ZBTB20: variants seen among roughly 807,000 people sequenced by gnomAD.
The protein encoded by ZBTB20 is zinc finger and BTB domain containing 20.
In ZBTB20, 9 loss-of-function variants were observed where a neutral mutation model predicts 56.9. That is an observed-to-expected ratio of 0.16 (90% CI 0.10 to 0.28). ZBTB20 has a LOEUF of 0.28. Ranked by LOEUF, ZBTB20 falls within the 10% of genes least tolerant of loss-of-function variation. ZBTB20 has a pLI of 1.00. For missense variants in ZBTB20, 655 were observed against 1,003.0 expected (o/e 0.65, Z 4.69); for synonymous variants, 417 against 420.7 (o/e 0.99, Z 0.11).
At chr3:114,501,988 G>C (rs1346986088) in intron 6 of ZBTB20, among the ~76,000 whole-genome samples, 1 of 152,046 alleles carries the variant, frequency 6.6e-6, no homozygotes, top group Non-Finnish European at 1.5e-5. Context: ...AATTACAAGT[G>C]TGAGCCACCG....
intron 6 of ZBTB20, among the ~76,000 whole-genome samples, chr3:114,663,043 C>T (rs2060830707): frequency 6.7e-6 from 1 of 150,104 alleles, no homozygotes; most frequent in South Asian, 2.1e-4. Context: ...GAGAACGCCA[C>T]AAAGATACTC....
chr3:115,088,966 T>C (rs989057866), intron 1 of ZBTB20, among the ~76,000 whole-genome samples: 4 of 151,898 alleles, frequency 2.6e-5, no homozygotes, highest in Admixed American at 2.6e-4. Flanking sequence ...CAAAAGATTA[T>C]TCACTTCAAC....
At chr3:114,365,434 T>C (rs1005820689) in intron 10 of ZBTB20, among the ~76,000 whole-genome samples, 1 of 152,172 alleles carries the variant, frequency 6.6e-6, no homozygotes, top group Non-Finnish European at 1.5e-5. Flanking sequence ...AGCTCTTGTT[T>C]CCCTGGGCCA....
At chr3:114,456,184 T>C (rs1489006450) in intron 7 of ZBTB20, among the ~76,000 whole-genome samples, 2 of 149,140 alleles carry the variant, frequency 1.3e-5, no homozygotes, top group Admixed American at 6.7e-5. Context: ...ACTTTATATA[T>C]ATGTGTGTTT....
chr3:114,590,505 A>T (rs2055643990), intron 6 of ZBTB20, among the ~76,000 whole-genome samples: 2 of 95,586 alleles, frequency 2.1e-5, no homozygotes, highest in South Asian at 9.8e-4. Context: ...TTTATTTAAT[A>T]AAAAATAAAA....
intron 1 of ZBTB20, among the ~76,000 whole-genome samples, chr3:115,113,321 G>A (rs1316328054): frequency 1.3e-5 from 2 of 152,202 alleles, no homozygotes; most frequent in African/African-American, 4.8e-5. Flanking sequence ...CACTAAAATA[G>A]TTTGCATATA....
intron 3 of ZBTB20, among the ~76,000 whole-genome samples, chr3:114,916,056 T>C (rs1244076579): frequency 6.6e-6 from 1 of 152,120 alleles, no homozygotes; most frequent in Non-Finnish European, 1.5e-5. Flanking sequence ...TGTAAATATG[T>C]ATTAGGTTCA....
chr3:114,317,276 C>T lies in ZBTB20; in HGVS notation c.*21729G>A, dbSNP rs893229263. 4 of 152,020 alleles carry T rather than the reference C, an allele frequency of 2.6e-5. No homozygotes were observed. The highest frequency in any genetic ancestry group is 9.7e-5 in the African/African-American group (4 of 41,354). The allele number at this position is 152,020 out of a possible 1,614,324, so 9.4% of individuals were successfully genotyped here. Reference sequence around the variant, plus strand: ...ATGTGATACCATTCGTTTGTGTGTACCTAAAGTGTGTCAAATACAGTCTCT... The same window carrying T: ...ATGTGATACCATTCGTTTGTGTGTATCTAAAGTGTGTCAAATACAGTCTCT... On this transcript the variant is annotated 3_prime_UTR_variant, in exon 12 of 12. Coordinates refer to ENST00000675478, the MANE Select transcript of ZBTB20 (RefSeq NM_001348800.3).
At chr3:115,064,842 A>G (rs900034477) in intron 2 of ZBTB20, among the ~76,000 whole-genome samples, 1 of 152,116 alleles carries the variant, frequency 6.6e-6, no homozygotes, top group African/African-American at 2.4e-5. Context: ...CCAATGTATG[A>G]GGCCTATATT....
In ZBTB20 at chr3:114,631,938, C is replaced by T. The variant is rs533597171; in HGVS notation, c.-295+61590G>A. On this transcript the variant is annotated intron_variant, in intron 6 of 11. Transcript: ENST00000675478. Reference sequence around the variant, plus strand: ...AACAGGTGCTTTTGCTGTATAATTACAGGTAGAGTTTAAAACCACAAACAC... The same window carrying T: ...AACAGGTGCTTTTGCTGTATAATTATAGGTAGAGTTTAAAACCACAAACAC... Among the ~76,000 whole-genome samples, 3 of 152,206 alleles carry T rather than the reference C, an allele frequency of 2.0e-5. No homozygotes were observed. In the South Asian group the frequency reaches 6.2e-4, roughly 32 times the overall value.
intron 6 of ZBTB20, among the ~76,000 whole-genome samples, chr3:114,596,618 A>G (rs915511769): frequency 6.6e-5 from 10 of 152,190 alleles, no homozygotes; most frequent in African/African-American, 2.4e-4. Flanking sequence ...CCAGATTCTA[A>G]GAAACTATTG....
intron 1 of ZBTB20, among the ~76,000 whole-genome samples, chr3:115,120,605 G>A (rs1328937519): frequency 1.3e-5 from 2 of 151,866 alleles, no homozygotes; most frequent in African/African-American, 4.8e-5. Flanking sequence ...ACCTAGGAAA[G>A]GTAAATTTCT....
intron 1 of ZBTB20, among the ~76,000 whole-genome samples, chr3:115,143,981 T>C (rs2084894113): frequency 6.6e-6 from 1 of 152,212 alleles, no homozygotes; most frequent in Non-Finnish European, 1.5e-5. Flanking sequence ...ATGCACAAAG[T>C]GTGTGTGACA....
chr3:114,751,850 T>C (rs2067585756), intron 5 of ZBTB20, among the ~76,000 whole-genome samples: 1 of 152,160 alleles, frequency 6.6e-6, no homozygotes, highest in African/African-American at 2.4e-5. Context: ...AAAATCCAGA[T>C]TCTTAATGTG....
chr3:115,092,416 T>C (rs1301703772), intron 1 of ZBTB20, among the ~76,000 whole-genome samples: 2 of 152,264 alleles, frequency 1.3e-5, no homozygotes, highest in East Asian at 1.9e-4. Context: ...AACACCACAG[T>C]TGTAATACTG....
At chr3:114,504,220 A>G (rs2044332815) in intron 6 of ZBTB20, among the ~76,000 whole-genome samples, 1 of 152,096 alleles carries the variant, frequency 6.6e-6, no homozygotes, top group African/African-American at 2.4e-5. Context: ...AGTCCTTTAT[A>G]ATTTCTTTTT....
At chr3:114,614,100 T>G (rs1283647394) in intron 6 of ZBTB20, among the ~76,000 whole-genome samples, 1 of 152,218 alleles carries the variant, frequency 6.6e-6, no homozygotes, top group Non-Finnish European at 1.5e-5. Context: ...TTAACCACAC[T>G]GCTCTACTGC....
At chr3:114,804,866 A>G (rs2071984951) in intron 4 of ZBTB20, among the ~76,000 whole-genome samples, 1 of 151,930 alleles carries the variant, frequency 6.6e-6, no homozygotes, top group African/African-American at 2.4e-5. Flanking sequence ...ATTCCACATC[A>G]AAAATAATAG....
chr3:114,389,322 G>C (rs935765473), intron 7 of ZBTB20, among the ~76,000 whole-genome samples: 2 of 152,156 alleles, frequency 1.3e-5, no homozygotes, highest in African/African-American at 4.8e-5. Context: ...TGCCTGTGCA[G>C]CCTGGGACAT....
Sources: gnomAD v4.1 joint callset for allele counts (sites outside exome capture counted in the v4.1 genomes callset) on GRCh38, gnomAD v4.1.1 for gene constraint, MANE v1.5 for transcripts, NCBI Gene and HGNC (gene_info 2026-07-23, HGNC 2026-07-21) for gene names.